ZAN: variants seen among roughly 807,000 people sequenced by gnomAD.
The protein encoded by ZAN is zonadhesin.
ZAN carries 260 observed loss-of-function variants against 286.2 expected under a neutral mutation model. That is an observed-to-expected ratio of 0.91 (90% CI 0.82 to 1.01). The LOEUF is 1.01. Ranked by LOEUF, ZAN falls within the 50% of genes least tolerant of loss-of-function variation. The probability of loss-of-function intolerance (pLI) is 0.00; values close to 1 mark genes in which losing one functional copy is unlikely to be tolerated. For missense variants in ZAN, 3,410 were observed against 3,639.2 expected (o/e 0.94, Z 1.62); for synonymous variants, 1,368 against 1,417.5 (o/e 0.97, Z 0.79).
rs1385048005 is a variant in ZAN, at chr7:100,779,470, G to T, written c.6342G>T (p.Glu2114Asp). The change falls in exon 35 of 48, where the codon GAG becomes GAT. Residue 2114 changes from glutamate (E) to aspartate (D), a missense_variant. By Grantham distance (45) the Glu-to-Asp change is conservative. Transcript: ENST00000613979. ...GTTGTCAGAGTCTCCTGGTAGATGA[G>T]CAGCAGATTCCAGCGGAACAGCAGG... ...DPSCQSLLVD[E>D]QQIPAEQQEN... is the part of the protein sequence containing the mutation. 1 of 1,608,832 alleles carries T rather than the reference G, an allele frequency of 6.2e-7. No homozygotes were observed.
chr7:100,793,896 C>A lies in ZAN; in HGVS notation c.7864C>A (p.Pro2622Thr). 1.2e-6 allele frequency: 2 copies of A among 1,613,924 alleles called. No individual in the cohort carries two copies. The highest frequency in any genetic ancestry group is 1.7e-6 in the Non-Finnish European group (2 of 1,179,856). Residue 2622 changes from proline (P) to threonine (T), a missense_variant, in exon 43 of 48, where the codon CCC (proline) becomes ACC (threonine). Pro to Thr is a conservative substitution (Grantham distance 38). Coordinates refer to ENST00000613979, the MANE Select transcript of ZAN (RefSeq NM_003386.3). Reference sequence around the variant, plus strand: ...CAGCATCCTGTGCCAACCTGGCAGACCCCGGGGACTGCGAGGGCCCCTGCG... The same window carrying A: ...CAGCATCCTGTGCCAACCTGGCAGAACCCGGGGACTGCGAGGGCCCCTGCG... ...LPSILCQPGR[P>T]RGLRGPLRGR...
Position 100,791,033 on chromosome 7 carries a change from T to C in ZAN, c.7449T>C (p.Ser2483=), listed in dbSNP as rs534997217. 6.2e-7 allele frequency: 1 copy of C among 1,613,066 alleles called. No individual in the cohort carries two copies. The highest frequency in any genetic ancestry group is 1.1e-5 in the South Asian group (1 of 90,790). Residue 2483 remains serine, a synonymous_variant, in exon 40 of 48, where the codon AGT becomes AGC. Transcript: ENST00000613979. ...GCAAGAATGACATGATGCTGCCCAGTGGCGCCCTGACCCAGAACCTCAACA... is the reference window on the plus strand; with the variant it reads ...GCAAGAATGACATGATGCTGCCCAGCGGCGCCCTGACCCAGAACCTCAACA... ...KNRKNDMMLP[S]GALTQNLNTF... is the part of the protein sequence containing the mutation.
chr7:100,759,842 T>G lies in ZAN; in HGVS notation c.3693T>G (p.Thr1231=), dbSNP rs1265420889. 1 of 1,612,352 alleles carries G rather than the reference T, an allele frequency of 6.2e-7. No individual in the cohort carries two copies. The stretch of plus-strand genomic sequence containing the variant: ...TCACCCTGCTTAAGGGCAGACGCAC[T>G]CTGGTGAGCCCCATTCCACCCCCAC... The part of the protein sequence containing the change: ...STVTLLKGRR[T]LVGGQQVTLP... The change falls in exon 18 of 48, where the codon ACT becomes ACG. Residue 1231 remains threonine, a synonymous_variant. Coordinates refer to ENST00000613979, the MANE Select transcript of ZAN (RefSeq NM_003386.3).
chr7:100,759,632 TCTCC>T, intron 17 of ZAN, 85 bp from the exon 18 acceptor site: 1 of 1,406,492 alleles, frequency 7.1e-7, no homozygotes, highest in Non-Finnish European at 9.3e-7. Context: ...GGCGCTCATC[TCTCC>T]CTGCGGCGCC....
chr7:100,797,713 T>A lies in ZAN; in HGVS notation c.8420T>A (p.Val2807Asp). Residue 2807 changes from valine (V) to aspartate (D), a missense_variant, in exon 48 of 48, where the codon GTT (valine) becomes GAT (aspartate). Transcript: ENST00000613979. ...TTTCTTGCTTTCTCCTCAGATACTGTTCTGGACTGTGCCTGTTAAGTTGCT... is the reference window on the plus strand; with the variant it reads ...TTTCTTGCTTTCTCCTCAGATACTGATCTGGACTGTGCCTGTTAAGTTGCT... ...RLARLVDTDTVLDCAC is the reference protein window; with the variant it reads ...RLARLVDTDTDLDCAC 6.2e-7 allele frequency: 1 copy of A among 1,613,978 alleles called. No homozygotes were observed. Among genetic ancestry groups the A allele is most frequent in the Non-Finnish European group, 8.5e-7 (1 of 1,179,892 alleles).
rs746693754 is a variant in ZAN at position 100,775,535 on chromosome 7, A to G, written c.5987A>G (p.Tyr1996Cys). The G allele has an allele frequency of 1.2e-5, 19 of 1,613,818 alleles. No homozygotes were observed. In the African/African-American group the frequency reaches 1.7e-4, roughly 15 times the overall value. The change falls in exon 32 of 48, where the codon TAC (tyrosine) becomes TGC (cysteine). Residue 1996 changes from tyrosine (Y) to cysteine (C), a missense_variant. Tyr to Cys is a radical substitution (Grantham distance 194). Coordinates refer to ENST00000613979, the MANE Select transcript of ZAN (RefSeq NM_003386.3). ...CTTCATGAGGTCTACATTGACATCT[A>G]CGATGCCCAGGTCACCCTGCAGAAG... ...FRLHEVYIDI[Y>C]DAQVTLQKGH...
Position 100,795,345 on chromosome 7 carries a change from A to C in ZAN, c.8266+9A>C. The stretch of plus-strand genomic sequence containing the variant: ...ACCTCCCAGAAAGCCAGGTGAGGGC[A>C]TCGTCCAAGGCCCTGTACCCTCACA... On this transcript the variant is annotated intron_variant, in intron 45 of 47. Coordinates refer to ENST00000613979, the MANE Select transcript of ZAN (RefSeq NM_003386.3). 1 of 1,578,180 alleles carries C rather than the reference A, an allele frequency of 6.3e-7. No individual in the cohort carries two copies. The highest frequency in any genetic ancestry group is 8.6e-7 in the Non-Finnish European group (1 of 1,160,214).
In ZAN at chr7:100,797,598, C is replaced by T; in HGVS notation, c.8388C>T (p.Asp2796=). ...RRKREKTQEG[D]RLARLVDTDT... The stretch of plus-strand genomic sequence containing the variant: ...CTAGAGAGAAAACGCAGGAGGGAGA[C>T]AGACTGGCCAGGCTGGTGGACACAG... Residue 2796 remains aspartate (D), a synonymous_variant, in exon 47 of 48, where the codon GAC becomes GAT. Coordinates refer to ENST00000613979, the MANE Select transcript of ZAN (RefSeq NM_003386.3). 1 of 1,613,902 alleles carries T rather than the reference C, an allele frequency of 6.2e-7. No homozygotes were observed. Among genetic ancestry groups the T allele is most frequent in the Non-Finnish European group, 8.5e-7 (1 of 1,179,898 alleles).
At chr7:100,768,197 C>T (rs766408239) in intron 26 of ZAN, among the ~76,000 whole-genome samples, 186 bp downstream of exon 26, 1 of 151,972 alleles carries the variant, frequency 6.6e-6, no homozygotes, top group African/African-American at 2.4e-5. Context: ...AGGGGCCAGG[C>T]GCGGTGGCTC....
intron 9 of ZAN, among the ~76,000 whole-genome samples, chr7:100,747,896 G>A (rs1808339010): frequency 6.6e-6 from 1 of 151,914 alleles, no homozygotes; most frequent in Admixed American, 6.6e-5. Context: ...GGAGCCTGAG[G>A]TGGGAGGATC....
intron 38 of ZAN, 125 bp from the exon 39 acceptor site, chr7:100,789,093 G>T (rs1364984613): frequency 5.2e-6 from 7 of 1,340,020 alleles, no homozygotes; most frequent in African/African-American, 3.0e-5. Flanking sequence ...GCCCATTGGG[G>T]TATCTTATTC....
chr7:100,791,241 C>T, intron 40 of ZAN, 128 bp downstream of exon 40: 1 of 1,240,472 alleles, frequency 8.1e-7, no homozygotes. Flanking sequence ...CCTGGATCCT[C>T]CCAATTCCGT....
At chr7:100,760,352 C>G (rs1809469904) in intron 18 of ZAN, 39 bp from the exon 19 acceptor site, 1 of 1,606,248 alleles carries the variant, frequency 6.2e-7, no homozygotes, top group Non-Finnish European at 8.5e-7. Context: ...TCCTTGACCC[C>G]CAGCTCTGTC....
chr7:100,734,819 C>T (rs1445779985), intron 2 of ZAN, among the ~76,000 whole-genome samples: 1 of 139,920 alleles, frequency 7.1e-6, no homozygotes, highest in East Asian at 2.0e-4. Context: ...AGGGGTCAGG[C>T]CCTCAGGAAA....
At chr7:100,769,831 G>A (rs1810255990) in intron 27 of ZAN, 49 bp from the exon 28 acceptor site, 1 of 1,515,062 alleles carries the variant, frequency 6.6e-7, no homozygotes, top group Non-Finnish European at 9.0e-7. Flanking sequence ...ATAGGCATGA[G>A]CCACTGCACC....
intron 19 of ZAN, 124 bp from the exon 20 acceptor site, chr7:100,762,091 C>T: frequency 8.0e-7 from 1 of 1,243,226 alleles, no homozygotes; most frequent in Non-Finnish European, 1.1e-6. Flanking sequence ...GTCCAGTCCG[C>T]ACCTCTTCAT....
At position 100,771,834 on chromosome 7, in the gene ZAN, C is replaced by A; in HGVS notation, c.5249-10C>A. 2.5e-6 allele frequency: 4 copies of A among 1,603,876 alleles called. No homozygotes were observed. Among genetic ancestry groups the A allele is most frequent in the Non-Finnish European group, 3.4e-6 (4 of 1,172,910 alleles). The stretch of plus-strand genomic sequence containing the variant: ...CTCCCCTGGCTCATCTGCCTTCTCT[C>A]TTCCTGCAGGACCCTTCTCTCAATG... On this transcript the variant is annotated splice_polypyrimidine_tract_variant and intron_variant, in intron 28 of 47. Transcript: ENST00000613979.
intron 7 of ZAN, among the ~76,000 whole-genome samples, chr7:100,745,401 G>T (rs936292633): frequency 2.0e-5 from 3 of 151,726 alleles, no homozygotes; most frequent in South Asian, 2.1e-4. Context: ...CGCTCCCCAC[G>T]AGTGGCAGCC....
chr7:100,796,211 G>A (rs908838279), intron 45 of ZAN, among the ~76,000 whole-genome samples: 7 of 152,108 alleles, frequency 4.6e-5, no homozygotes, highest in African/African-American at 1.7e-4. Context: ...CACCCCTGCT[G>A]CTTCCTCCTC....
Sources: gnomAD v4.1 joint callset for allele counts (sites outside exome capture counted in the v4.1 genomes callset) on GRCh38, gnomAD v4.1.1 for gene constraint, MANE v1.5 for transcripts, NCBI Gene and HGNC (gene_info 2026-07-23, HGNC 2026-07-21) for gene names.